SCN11A: variants seen among roughly 807,000 people sequenced by gnomAD.
SCN11A encodes sodium channel protein type 11 subunit alpha.
Under a neutral mutation model 162.2 loss-of-function variants are expected in SCN11A, and 122 were observed. That is an observed-to-expected ratio of 0.75 (90% CI 0.65 to 0.87). The LOEUF (loss-of-function observed/expected upper bound fraction) is 0.87, where lower values mean the gene tolerates loss of function less well. Among genes scored for constraint, SCN11A ranks in the 40% least tolerant of loss-of-function variants. SCN11A has a pLI of 0.00. For missense variants in SCN11A, 2,015 were observed against 2,181.6 expected, an observed-to-expected ratio of 0.92 and a Z score of 1.52; for synonymous variants, 758 against 751.5, an observed-to-expected ratio of 1.01 and a Z score of -0.14.
intron 2 of SCN11A, among the ~76,000 whole-genome samples, chr3:39,029,493 G>C (rs2031689103): frequency 6.6e-6 from 1 of 152,198 alleles, no homozygotes. Flanking sequence ...ACTGTCATGT[G>C]TGTTCCAAAC....
intron 7 of SCN11A, among the ~76,000 whole-genome samples, chr3:38,934,966 A>G (rs2066306838): frequency 1.3e-5 from 2 of 151,632 alleles, no homozygotes; most frequent in South Asian, 4.2e-4. Context: ...AAAATTGACC[A>G]CATAGTTGGA....
chr3:38,981,861 G>A (rs1357003152), intron 2 of SCN11A, among the ~76,000 whole-genome samples: 9 of 151,640 alleles, frequency 5.9e-5, no homozygotes, highest in East Asian at 5.8e-4. Context: ...AAAATTAGCC[G>A]GGCATGGTGG....
At chr3:38,913,923 C>T (rs562856727) in intron 11 of SCN11A, among the ~76,000 whole-genome samples, 45 of 152,158 alleles carry the variant, frequency 3.0e-4, no homozygotes, top group Non-Finnish European at 5.3e-4. Context: ...AGTTGGGAAA[C>T]GTGATGCCTC....
rs2065615740 is a variant in SCN11A, at chr3:38,897,120, T to C, written c.2128A>G (p.Ile710Val). 2 of 1,613,970 alleles carry C rather than the reference T, an allele frequency of 1.2e-6. No individual in the cohort carries two copies. ...ACTACTGAGAAAATAAAGATCACAA[T>C]GACCAGGACCACAGTCAGGCTTCCA... ...ALGSLTVVLV[I>V]VIFIFSVVGM... is the part of the protein sequence containing the mutation. The change falls in exon 18 of 30, where the codon ATT (isoleucine) becomes GTT (valine). Residue 710 changes from isoleucine to valine, a missense_variant. By Grantham distance (29) the Ile-to-Val change is conservative (BLOSUM62 3). Coordinates refer to ENST00000302328, the MANE Select transcript of SCN11A (RefSeq NM_001349253.2).
intron 2 of SCN11A, among the ~76,000 whole-genome samples, chr3:38,983,257 A>G (rs924513542): frequency 1.1e-4 from 17 of 152,286 alleles, no homozygotes; most frequent in African/African-American, 3.8e-4. Context: ...TTTTTGCTCC[A>G]TGTCACCTTC....
intron 8 of SCN11A, 119 bp from the exon 9 acceptor site, chr3:38,925,628 A>C: frequency 1.5e-6 from 1 of 673,822 alleles, no homozygotes; most frequent in South Asian, 1.9e-5. Flanking sequence ...GGTGAAATCG[A>C]CAGCCTCACC....
chr3:39,014,248 G>C lies in SCN11A; in HGVS notation c.-280+18132C>G, dbSNP rs908429718. On this transcript the variant is annotated intron_variant, in intron 2 of 29. Transcript: ENST00000302328. ...CGTGATTCCAGACATGGTCTTCTCA[G>C]TCCTCATTGAGTAGAAATGCCTCCA... Among the ~76,000 whole-genome samples the C allele has an allele frequency of 3.3e-4, 50 of 152,208 alleles. 1 individual carries two copies. The highest frequency in any genetic ancestry group is 1.0e-4 in the Non-Finnish European group (7 of 68,040).
chr3:38,910,211 G>A lies in SCN11A; in HGVS notation c.960-4C>T, dbSNP rs774623675. 1.2e-6 allele frequency: 2 copies of A among 1,606,414 alleles called. No homozygotes were observed. The highest frequency in any genetic ancestry group is 8.5e-7 in the Non-Finnish European group (1 of 1,176,258). ...TTCATATTGTATGGAACAGGCACTA[G>A]ATATTGGAAACAAACAGAGAAATAA... On this transcript the variant is annotated splice_polypyrimidine_tract_variant and splice_region_variant and intron_variant, in intron 11 of 29. Transcript: ENST00000302328.
At chr3:38,998,724 G>A (rs964717869) in intron 2 of SCN11A, among the ~76,000 whole-genome samples, 5 of 150,476 alleles carry the variant, frequency 3.3e-5, no homozygotes, top group Admixed American at 1.3e-4. Context: ...ATACTATGCA[G>A]CCATAAAAAC....
At chr3:38,902,538 GA>G (rs1476683292) in intron 16 of SCN11A, among the ~76,000 whole-genome samples, 1 of 148,080 alleles carries the variant, frequency 6.8e-6, no homozygotes, top group African/African-American at 2.5e-5. Context: ...TTTTTTTTGA[GA>G]TGGAGTCTCA....
At chr3:38,965,392 G>T (rs970781850) in intron 2 of SCN11A, among the ~76,000 whole-genome samples, 1 of 152,200 alleles carries the variant, frequency 6.6e-6, no homozygotes, top group African/African-American at 2.4e-5. Context: ...ACGTTTGTAA[G>T]GTCTGGTTTC....
At chr3:39,011,864 T>C (rs913324917) in intron 2 of SCN11A, among the ~76,000 whole-genome samples, 4 of 152,152 alleles carry the variant, frequency 2.6e-5, no homozygotes, top group Non-Finnish European at 4.4e-5. Flanking sequence ...AGATTACAAT[T>C]AAGTCAAAAA....
intron 2 of SCN11A, among the ~76,000 whole-genome samples, chr3:39,017,592 T>A (rs2031328711): frequency 1.3e-5 from 2 of 152,238 alleles, no homozygotes; most frequent in Non-Finnish European, 2.9e-5. Flanking sequence ...TCAACCATTA[T>A]TTTTTCAAGT....
chr3:38,868,784 G>C (rs539300355), intron 26 of SCN11A, among the ~76,000 whole-genome samples: 9 of 152,312 alleles, frequency 5.9e-5, no homozygotes, highest in Admixed American at 3.9e-4. Flanking sequence ...TTCCTGGAAG[G>C]AATTACTACT....
At chr3:39,012,904 T>C (rs1348282460) in intron 2 of SCN11A, among the ~76,000 whole-genome samples, 1 of 152,238 alleles carries the variant, frequency 6.6e-6, no homozygotes, top group African/African-American at 2.4e-5. Context: ...AGAAAAAAGG[T>C]AGCAATGCTT....
At chr3:38,875,380 C>T (rs1221161395) in intron 23 of SCN11A, among the ~76,000 whole-genome samples, 1 of 152,006 alleles carries the variant, frequency 6.6e-6, no homozygotes, top group Non-Finnish European at 1.5e-5. Flanking sequence ...GAGATTAATT[C>T]TTCCTTGGAA....
chr3:38,878,500 C>T (rs998467930), intron 23 of SCN11A, among the ~76,000 whole-genome samples: 1 of 152,026 alleles, frequency 6.6e-6, no homozygotes, highest in Non-Finnish European at 1.5e-5. Context: ...ATGGAGATAA[C>T]AATCATCTGT....
chr3:38,892,107 A>C (rs1007591794), intron 19 of SCN11A, among the ~76,000 whole-genome samples: 2 of 152,206 alleles, frequency 1.3e-5, no homozygotes, highest in African/African-American at 4.8e-5. Context: ...AATAATGGAG[A>C]CCAAAAGGCA....
intron 20 of SCN11A, 26 bp from the exon 21 acceptor site, chr3:38,885,428 G>T: frequency 7.8e-7 from 1 of 1,289,688 alleles, no homozygotes; most frequent in Non-Finnish European, 1.1e-6. Context: ...AAACGAAGGG[G>T]GTGCCTTTTA....
Sources: gnomAD v4.1 joint callset for allele counts (sites outside exome capture counted in the v4.1 genomes callset) on GRCh38, gnomAD v4.1.1 for gene constraint, MANE v1.5 for transcripts, NCBI Gene and HGNC (gene_info 2026-07-23, HGNC 2026-07-21) for gene names.